LUZP2: variants seen among roughly 807,000 people sequenced by gnomAD.
LUZP2 encodes the protein leucine zipper protein 2.
In LUZP2, 52 loss-of-function variants were observed where a neutral mutation model predicts 51.6. The ratio of observed to expected loss-of-function variants is 1.01; its 90% CI spans 0.81 to 1.27. LUZP2 has a LOEUF of 1.27. Ranked by LOEUF, LUZP2 falls within the 50% of genes most tolerant of loss-of-function variation. The probability of loss-of-function intolerance (pLI) is 0.00; values close to 1 mark genes in which losing one functional copy is unlikely to be tolerated. For synonymous variants in LUZP2, 154 were observed against 137.3 expected (o/e 1.12, Z -0.85); for missense variants, 436 against 395.4 (o/e 1.10, Z -0.87).
chr11:24,997,228 T>G (rs1051405746), intron 9 of LUZP2, among the ~76,000 whole-genome samples: 2 of 151,786 alleles, frequency 1.3e-5, no homozygotes, highest in Admixed American at 1.3e-4. Context: ...AGTTGACAGT[T>G]CCACCAACAG....
At chr11:24,598,502 G>T (rs1853518897) in intron 1 of LUZP2, among the ~76,000 whole-genome samples, 2 of 151,954 alleles carry the variant, frequency 1.3e-5, no homozygotes, top group African/African-American at 2.4e-5. Context: ...AAAATTAGAT[G>T]ATTAAAAAAA....
intron 1 of LUZP2, among the ~76,000 whole-genome samples, chr11:24,682,194 T>C (rs1243541605): frequency 6.6e-6 from 1 of 152,120 alleles, no homozygotes; most frequent in Non-Finnish European, 1.5e-5. Context: ...ATACATTATA[T>C]GTTAAAAGAG....
intron 5 of LUZP2, chr11:24,892,493 C>A: frequency 1.4e-6 from 1 of 692,092 alleles, no homozygotes; most frequent in Non-Finnish European, 1.8e-6. Context: ...TAGCCTATTT[C>A]TCTTCAATAA....
intron 5 of LUZP2, among the ~76,000 whole-genome samples, chr11:24,869,219 C>G (rs943591354): frequency 6.6e-6 from 1 of 152,110 alleles, no homozygotes; most frequent in African/African-American, 2.4e-5. Context: ...TGATGCTGAA[C>G]AGGAACAAAT....
chr11:25,031,819 C>T (rs1346996090), intron 9 of LUZP2, among the ~76,000 whole-genome samples: 3 of 151,992 alleles, frequency 2.0e-5, no homozygotes, highest in Non-Finnish European at 2.9e-5. Flanking sequence ...TTTTAAATCC[C>T]TTATTATTTC....
At chr11:24,610,724 A>G (rs1489910278) in intron 1 of LUZP2, among the ~76,000 whole-genome samples, 2 of 152,176 alleles carry the variant, frequency 1.3e-5, no homozygotes, top group East Asian at 3.9e-4. Context: ...GGCAGGCAGT[A>G]CACTTGAGGC....
intron 5 of LUZP2, among the ~76,000 whole-genome samples, chr11:24,787,086 T>C (rs1849269216): frequency 6.6e-6 from 1 of 152,198 alleles, no homozygotes; most frequent in Admixed American, 6.6e-5. Flanking sequence ...CTTGATCTCC[T>C]GAAATGATTT....
At chr11:24,573,427 C>T (rs1381211613) in intron 1 of LUZP2, among the ~76,000 whole-genome samples, 3 of 151,802 alleles carry the variant, frequency 2.0e-5, no homozygotes, top group Admixed American at 6.6e-5. Context: ...TCAGGGCTTC[C>T]CAAAGTTTTC....
chr11:24,662,558 CAG>C (rs1297414142), intron 1 of LUZP2, among the ~76,000 whole-genome samples: 2 of 151,936 alleles, frequency 1.3e-5, no homozygotes, highest in African/African-American at 4.8e-5. Flanking sequence ...TGAAGAAAAA[CAG>C]AGAAAAACAG....
At chr11:25,021,643 G>T (rs1055765875) in intron 9 of LUZP2, among the ~76,000 whole-genome samples, 2 of 152,030 alleles carry the variant, frequency 1.3e-5, no homozygotes, top group South Asian at 2.1e-4. Context: ...GTTTGAAAGA[G>T]CTTCTGTTCC....
intron 9 of LUZP2, among the ~76,000 whole-genome samples, chr11:24,987,848 A>C (rs1193910903): frequency 6.6e-6 from 1 of 151,950 alleles, no homozygotes. Context: ...AATCATCATA[A>C]GCCAAGGTTC....
intron 5 of LUZP2, among the ~76,000 whole-genome samples, chr11:24,829,077 A>C (rs979770884): frequency 2.0e-5 from 3 of 152,208 alleles, no homozygotes; most frequent in Non-Finnish European, 4.4e-5. Context: ...CTGCTGAGAG[A>C]AGAAAAGCTC....
intron 1 of LUZP2, among the ~76,000 whole-genome samples, chr11:24,682,896 C>T (rs899030578): frequency 3.3e-5 from 5 of 151,836 alleles, no homozygotes; most frequent in Admixed American, 6.6e-5. Context: ...CCCTGCTACT[C>T]GGGAGGCTGC....
chr11:24,900,714 C>T (rs1238615908), intron 5 of LUZP2, among the ~76,000 whole-genome samples: 4 of 152,234 alleles, frequency 2.6e-5, no homozygotes, highest in Admixed American at 2.0e-4. Context: ...CAGCAAACAC[C>T]GAGCTGTAAC....
chr11:24,967,147 G>T (rs1347535340), intron 7 of LUZP2, among the ~76,000 whole-genome samples: 2 of 151,536 alleles, frequency 1.3e-5, no homozygotes, highest in African/African-American at 4.8e-5. Context: ...AAAATCAGAT[G>T]GCATTAGTCC....
chr11:24,976,474 GTTTTT>G (rs71044328), intron 7 of LUZP2, 112 bp from the exon 8 acceptor site: 4 of 368,926 alleles, frequency 1.1e-5, no homozygotes, highest in Non-Finnish European at 1.3e-5. Flanking sequence ...ACAGGACACT[GTTTTT>G]TTTTTTTTTC....
chr11:25,044,165 GTC>G (rs1183996637), intron 9 of LUZP2, among the ~76,000 whole-genome samples: 4 of 10,530 alleles, frequency 3.8e-4, no homozygotes, highest in Non-Finnish European at 7.2e-4. Flanking sequence ...TAGATATAGT[GTC>G]TCTATATATA....
intron 1 of LUZP2, among the ~76,000 whole-genome samples, chr11:24,684,143 A>G (rs1191674100): frequency 6.6e-6 from 1 of 152,112 alleles, no homozygotes; most frequent in Non-Finnish European, 1.5e-5. Flanking sequence ...GCCTTCTAAT[A>G]GGCCTCCCAA....
At chr11:24,964,818 A>G (rs1278662759) in intron 7 of LUZP2, among the ~76,000 whole-genome samples, 1 of 151,876 alleles carries the variant, frequency 6.6e-6, no homozygotes, top group Non-Finnish European at 1.5e-5. Flanking sequence ...GTATTTATTT[A>G]CCTAGATAGT....
Sources: allele counts gnomAD v4.1 joint callset (sites outside exome capture counted in the v4.1 genomes callset), GRCh38; gene constraint gnomAD v4.1.1; transcripts MANE v1.5; gene names NCBI Gene and HGNC (gene_info 2026-07-23, HGNC 2026-07-21).